The following PIK3CB variants were observed in gnomAD, a reference collection of about 807,000 sequenced individuals.
PIK3CB encodes phosphatidylinositol-4,5-bisphosphate 3-kinase catalytic subunit beta, also known as phosphatidylinositol 4,5-bisphosphate 3-kinase catalytic subunit beta isoform.
In PIK3CB, 39 loss-of-function variants were observed where a neutral mutation model predicts 136.8. The observed-to-expected ratio is 0.29, with a 90% CI of 0.22 to 0.37. PIK3CB has a LOEUF of 0.37. Ranked by LOEUF, PIK3CB falls within the 10% of genes least tolerant of loss-of-function variation. The pLI, the probability that PIK3CB is intolerant of heterozygous loss-of-function variation, is 1.00. For synonymous variants in PIK3CB, 428 were observed against 436.6 expected, an observed-to-expected ratio of 0.98 and a Z score of 0.25; for missense variants, 868 against 1,275.4, an observed-to-expected ratio of 0.68 and a Z score of 4.87.
intron 1 of PIK3CB, among the ~76,000 whole-genome samples, chr3:138,830,916 A>AATAATG (rs1466895147): frequency 7.2e-6 from 1 of 138,496 alleles, no homozygotes; most frequent in Admixed American, 7.1e-5. Flanking sequence ...TAATAATAAT[A>AATAATG]ATAATAATAA....
chr3:138,683,532 T>G (rs1307540850), intron 18 of PIK3CB, 146 bp downstream of exon 18: 1 of 591,254 alleles, frequency 1.7e-6, no homozygotes, highest in Middle Eastern at 4.5e-4. Flanking sequence ...TTAGGACATG[T>G]TCAACTTGAC....
intron 4 of PIK3CB, among the ~76,000 whole-genome samples, chr3:138,752,957 T>C (rs1291518598): frequency 1.3e-5 from 2 of 152,204 alleles, no homozygotes; most frequent in Non-Finnish European, 2.9e-5. Flanking sequence ...AATGAATCCA[T>C]GTTTTGGTAA....
Position 138,694,690 on chromosome 3 carries a change from G to A in PIK3CB, c.1892+96C>T. On this transcript the variant is annotated intron_variant, in intron 14 of 23. Coordinates refer to ENST00000674063, the MANE Select transcript of PIK3CB (RefSeq NM_006219.3). ...TGCTTTGAACTGTGAATAATTCTGA[G>A]CCCTTTTCTTTCTTATGAGACATCA... 3 of 1,249,488 alleles carry A rather than the reference G, an allele frequency of 2.4e-6. No homozygotes were observed. The South Asian group carries it at 4.5e-5, about 19-fold the overall frequency. The allele number at this position is 1,249,488 out of a possible 1,614,324, so 77.4% of individuals were successfully genotyped here. A position where few individuals can be genotyped will look rare whatever the true frequency, so the allele number is the denominator to read the frequency against.
chr3:138,736,112 T>A (rs1277611859), intron 6 of PIK3CB, among the ~76,000 whole-genome samples: 3 of 152,182 alleles, frequency 2.0e-5, no homozygotes, highest in Non-Finnish European at 4.4e-5. Context: ...AATGTTAAAT[T>A]AAAGAAACAG....
At chr3:138,824,892 C>CAAAA (rs57342129) in intron 1 of PIK3CB, among the ~76,000 whole-genome samples, 2 of 62,356 alleles carry the variant, frequency 3.2e-5, no homozygotes, top group African/African-American at 5.1e-5. Flanking sequence ...TACAAAATAC[C>CAAAA]AAAAAAAAAA....
At chr3:138,815,626 A>G (rs753402515) in intron 1 of PIK3CB, among the ~76,000 whole-genome samples, 6 of 152,292 alleles carry the variant, frequency 3.9e-5, no homozygotes, top group Non-Finnish European at 8.8e-5. Context: ...AATAATGACC[A>G]TGCTATGCTG....
At chr3:138,826,206 G>A (rs1485903397) in intron 1 of PIK3CB, 2 of 1,344,680 alleles carry the variant, frequency 1.5e-6, no homozygotes, top group South Asian at 1.2e-5. Context: ...TCCTCCTCTG[G>A]GTCATTTTGC....
chr3:138,820,391 T>C (rs560064833), intron 1 of PIK3CB, among the ~76,000 whole-genome samples: 1 of 152,338 alleles, frequency 6.6e-6, no homozygotes, highest in South Asian at 2.1e-4. Context: ...ATAACAATGA[T>C]AGTATTCCCC....
chr3:138,679,966 T>G (rs769109354), intron 19 of PIK3CB, among the ~76,000 whole-genome samples: 1 of 131,782 alleles, frequency 7.6e-6, no homozygotes, highest in Admixed American at 7.4e-5. Context: ...TAATAACTGA[T>G]AAAGTAGGAA....
intron 10 of PIK3CB, 80 bp downstream of exon 10, chr3:138,712,128 G>A (rs185417172): frequency 1.6e-5 from 9 of 567,730 alleles, no homozygotes; most frequent in East Asian, 9.8e-5. Flanking sequence ...TTGAAAGAAC[G>A]GTGATTCATA....
At chr3:138,775,528 G>A (rs2045848088) in intron 2 of PIK3CB, among the ~76,000 whole-genome samples, 1 of 152,062 alleles carries the variant, frequency 6.6e-6, no homozygotes, top group Admixed American at 6.6e-5. Context: ...ATGGAATACT[G>A]GAAAAGGGAA....
rs550907069 is a variant in PIK3CB at position 138,776,169 on chromosome 3, G to A, written c.-16-16810C>T. ...GTGGAGATTGCACCATTGCACTCCA[G>A]CCTGGGCGATAAGAGCAAAACTCCA... On this transcript the variant is annotated intron_variant, in intron 2 of 23. Transcript: ENST00000674063. Among the ~76,000 whole-genome samples, 44 of 152,220 alleles carry A rather than the reference G, an allele frequency of 2.9e-4. No homozygotes were observed. The East Asian group carries it at 5.4e-3, about 19-fold the overall frequency.
At chr3:138,732,483 C>T (rs1028325627) in intron 8 of PIK3CB, among the ~76,000 whole-genome samples, 22 of 152,096 alleles carry the variant, frequency 1.4e-4, no homozygotes, top group African/African-American at 5.1e-4. Context: ...TTCAAACAAA[C>T]CAAATCTCTT....
intron 9 of PIK3CB, among the ~76,000 whole-genome samples, chr3:138,713,103 T>C (rs2044538561): frequency 6.6e-6 from 1 of 151,836 alleles, no homozygotes; most frequent in Admixed American, 6.6e-5. Context: ...GATAATTCTA[T>C]ATTAAGGAAG....
chr3:138,817,462 G>A (rs2108890261), intron 1 of PIK3CB, among the ~76,000 whole-genome samples: 1 of 152,302 alleles, frequency 6.6e-6, no homozygotes, highest in African/African-American at 2.4e-5. Flanking sequence ...GTTGTGGTGA[G>A]CTGAGATCAT....
chr3:138,657,550 G>T, intron 22 of PIK3CB, 140 bp downstream of exon 22: 1 of 662,492 alleles, frequency 1.5e-6, no homozygotes, highest in Non-Finnish European at 2.5e-6. Flanking sequence ...AATCTGACAG[G>T]CAAATTCCCC....
intron 1 of PIK3CB, chr3:138,825,696 G>A: frequency 4.5e-6 from 3 of 660,654 alleles, no homozygotes; most frequent in Non-Finnish European, 5.6e-6. Flanking sequence ...TGTCTCTCCA[G>A]GATGTCTACA....
intron 4 of PIK3CB, among the ~76,000 whole-genome samples, chr3:138,753,375 GCT>G (rs1226871158): frequency 6.6e-6 from 1 of 152,000 alleles, no homozygotes; most frequent in Non-Finnish European, 1.5e-5. Context: ...ACAAAAACTA[GCT>G]GGGCATGGTG....
chr3:138,669,806 G>A (rs1389329163), intron 19 of PIK3CB, among the ~76,000 whole-genome samples: 1 of 152,162 alleles, frequency 6.6e-6, no homozygotes, highest in Non-Finnish European at 1.5e-5. Flanking sequence ...GGTACCTCAA[G>A]ATTTGGGATT....
Sources: gnomAD v4.1 joint callset for allele counts (sites outside exome capture counted in the v4.1 genomes callset) on GRCh38, gnomAD v4.1.1 for gene constraint, MANE v1.5 for transcripts, NCBI Gene and HGNC (gene_info 2026-07-23, HGNC 2026-07-21) for gene names.